The following INPP4B variants were observed in gnomAD, a reference collection of about 807,000 sequenced individuals.
INPP4B encodes the protein inositol polyphosphate 4-phosphatase type II.
INPP4B carries 55 observed loss-of-function variants against 122.5 expected under a neutral mutation model. That is an observed-to-expected ratio of 0.45 (90% CI 0.36 to 0.56). The LOEUF is 0.56. Among genes scored for constraint, INPP4B ranks in the 20% least tolerant of loss-of-function variants. INPP4B has a pLI of 0.00. For synonymous variants in INPP4B, 403 were observed against 388.7 expected (o/e 1.04, Z -0.43); for missense variants, 1,000 against 1,097.7 (o/e 0.91, Z 1.26).
At chr4:142,479,118 C>A (rs1296221906) in intron 2 of INPP4B, among the ~76,000 whole-genome samples, 1 of 152,042 alleles carries the variant, frequency 6.6e-6, no homozygotes, top group Non-Finnish European at 1.5e-5. Context: ...AACAAATTTA[C>A]AAGCTAGAAA....
At chr4:142,773,467 G>GCACACACACAAATGTA (rs1773396110) in intron 1 of INPP4B, among the ~76,000 whole-genome samples, 2 of 151,990 alleles carry the variant, frequency 1.3e-5, no homozygotes, top group Non-Finnish European at 2.9e-5. Flanking sequence ...CTACACATAT[G>GCACACACACAAATGTA]CACACACACA....
At chr4:142,223,004 A>ATT (rs34148926) in intron 12 of INPP4B, among the ~76,000 whole-genome samples, 2 of 152,118 alleles carry the variant, frequency 1.3e-5, no homozygotes, top group Admixed American at 6.6e-5. Context: ...TGTGAACTAC[A>ATT]TTTTTTTTAT....
intron 14 of INPP4B, among the ~76,000 whole-genome samples, chr4:142,205,133 C>T (rs1369408269): frequency 1.3e-5 from 2 of 151,922 alleles, no homozygotes; most frequent in Non-Finnish European, 2.9e-5. Context: ...TCAGATGGTA[C>T]CTTGGAAAAC....
intron 7 of INPP4B, among the ~76,000 whole-genome samples, chr4:142,325,674 C>T (rs1772071843): frequency 6.6e-6 from 1 of 152,188 alleles, no homozygotes. Context: ...TTCTCTAAAG[C>T]AGTGATGTTC....
At chr4:142,534,670 A>G (rs1580308445) in intron 2 of INPP4B, among the ~76,000 whole-genome samples, 1 of 149,990 alleles carries the variant, frequency 6.7e-6, no homozygotes, top group African/African-American at 2.4e-5. Flanking sequence ...ATTATTAATA[A>G]ATTATATAAT....
chr4:142,429,801 G>A (rs902304262), intron 4 of INPP4B, among the ~76,000 whole-genome samples: 1 of 152,020 alleles, frequency 6.6e-6, no homozygotes, highest in East Asian at 1.9e-4. Context: ...AGATGAGCTA[G>A]GAGTGAAAGT....
intron 7 of INPP4B, among the ~76,000 whole-genome samples, chr4:142,394,900 T>C (rs1562002574): frequency 6.6e-6 from 1 of 152,198 alleles, no homozygotes; most frequent in South Asian, 2.1e-4. Context: ...GTGACAGAAC[T>C]TTTCCCCCAC....
intron 1 of INPP4B, among the ~76,000 whole-genome samples, chr4:142,845,724 C>T (rs1454871279): frequency 6.6e-6 from 1 of 151,426 alleles, no homozygotes; most frequent in African/African-American, 2.4e-5. Context: ...GACTTCTTCC[C>T]AGGCCGGCGG....
chr4:142,558,972 A>G (rs1729871003), intron 2 of INPP4B, among the ~76,000 whole-genome samples: 1 of 152,064 alleles, frequency 6.6e-6, no homozygotes, highest in East Asian at 1.9e-4. Flanking sequence ...AGAAGTAGAC[A>G]CAGAGTCCCA....
chr4:142,659,170 C>A (rs1052716645), intron 2 of INPP4B, among the ~76,000 whole-genome samples: 2 of 151,300 alleles, frequency 1.3e-5, no homozygotes, highest in African/African-American at 4.9e-5. Context: ...GAGGCCGAGG[C>A]GGGCAGATCA....
At chr4:142,249,372 A>G (rs1217422859) in intron 11 of INPP4B, among the ~76,000 whole-genome samples, 3 of 152,132 alleles carry the variant, frequency 2.0e-5, no homozygotes, top group African/African-American at 7.2e-5. Context: ...AATTTTACCA[A>G]AAAAAGAGAG....
intron 2 of INPP4B, among the ~76,000 whole-genome samples, chr4:142,524,852 A>G (rs375475704): frequency 0.062 from 9,395 of 150,860 alleles, 258 homozygotes; most frequent in African/African-American, 0.094. Flanking sequence ...CTCTCTCACC[A>G]CTCCTATTCA....
intron 1 of INPP4B, among the ~76,000 whole-genome samples, chr4:142,839,840 T>G (rs973613648): frequency 8.5e-5 from 13 of 152,334 alleles, no homozygotes; most frequent in African/African-American, 3.1e-4. Context: ...GGAAATGCAT[T>G]TCTTAATTAT....
intron 2 of INPP4B, among the ~76,000 whole-genome samples, chr4:142,635,563 G>A (rs562514651): frequency 7.2e-5 from 11 of 152,292 alleles, no homozygotes; most frequent in African/African-American, 2.6e-4. Flanking sequence ...GTGGGAACAT[G>A]GATGGAGCTA....
chr4:142,403,114 C>A (rs1183471687), intron 6 of INPP4B, 60 bp from the exon 7 acceptor site: 35 of 870,234 alleles, frequency 4.0e-5, no homozygotes, highest in African/African-American at 1.7e-5. Context: ...GTTGGCAGCA[C>A]GCAAGTGACA....
chr4:142,715,145 T>C (rs1005643621), intron 2 of INPP4B, among the ~76,000 whole-genome samples: 1 of 151,924 alleles, frequency 6.6e-6, no homozygotes, highest in African/African-American at 2.4e-5. Context: ...CTGCTCTAGG[T>C]AAAAAGATTT....
At chr4:142,628,125 G>A (rs1479354424) in intron 2 of INPP4B, among the ~76,000 whole-genome samples, 7 of 150,878 alleles carry the variant, frequency 4.6e-5, no homozygotes, top group Middle Eastern at 3.4e-3. Flanking sequence ...TGTTTATTGC[G>A]GCATTATTCA....
chr4:142,481,133 CAAAAAA>C (rs551228788), intron 2 of INPP4B, among the ~76,000 whole-genome samples: 1,464 of 57,864 alleles, frequency 0.025, 12 homozygotes, highest in Non-Finnish European at 0.037. Context: ...GACTCTGTCT[CAAAAAA>C]AAAAAAAAAA....
intron 17 of INPP4B, among the ~76,000 whole-genome samples, chr4:142,156,781 T>TCAAAAGGACTC (rs1817464251): frequency 6.6e-6 from 1 of 152,094 alleles, no homozygotes; most frequent in Non-Finnish European, 1.5e-5. Flanking sequence ...AGGATTCTCT[T>TCAAAAGGACTC]TTTTGACTTC....
Sources: gnomAD v4.1 joint callset for allele counts (sites outside exome capture counted in the v4.1 genomes callset) on GRCh38, gnomAD v4.1.1 for gene constraint, MANE v1.5 for transcripts, NCBI Gene and HGNC (gene_info 2026-07-23, HGNC 2026-07-21) for gene names.